The following ASL variants were observed in gnomAD, a reference collection of about 807,000 sequenced individuals.
ASL encodes argininosuccinase.
Under a neutral mutation model 69.1 loss-of-function variants are expected in ASL, and 51 were observed. The ratio of observed to expected loss-of-function variants is 0.74; its 90% CI spans 0.59 to 0.93. ASL has a LOEUF of 0.93. Among genes scored for constraint, ASL ranks in the 40% least tolerant of loss-of-function variants. The probability of loss-of-function intolerance (pLI) is 0.00; values close to 1 mark genes in which losing one functional copy is unlikely to be tolerated. For synonymous variants in ASL, 241 were observed against 247.6 expected (o/e 0.97, Z 0.25); for missense variants, 540 against 623.9 (o/e 0.87, Z 1.43).
In ASL at chr7:66,091,966, G is replaced by C. The variant is rs1434980891; in HGVS notation, c.1063-40G>C. The C allele has an allele frequency of 5.6e-6, 9 of 1,610,128 alleles. No individual in the cohort carries two copies. In the Admixed American group the frequency reaches 1.5e-4, roughly 27 times the overall value. On this transcript the variant is annotated intron_variant, in intron 14 of 16. Transcript: ENST00000304874. ...CTGGGCCTGGCAGCTTCAGATCCCA[G>C]GGTCCCCAGGGCTCACCACTCGCCC...
At position 66,092,956 on chromosome 7, in the gene ASL, G is replaced by A. The variant is rs760898764; in HGVS notation, c.*44G>A. 7 of 1,568,058 alleles carry A rather than the reference G, an allele frequency of 4.5e-6. No individual in the cohort carries two copies. In the South Asian group the frequency reaches 7.9e-5, roughly 18 times the overall value. On this transcript the variant is annotated 3_prime_UTR_variant, in exon 17 of 17. Transcript: ENST00000304874. ...CCTAATAAAGTGGGCGCGAGAGGAGGCTGCTGTGTGTTTCCTGCCCCAGCC... is the reference window on the plus strand; with the variant it reads ...CCTAATAAAGTGGGCGCGAGAGGAGACTGCTGTGTGTTTCCTGCCCCAGCC...
chr7:66,084,267 C>A (rs564737042), intron 6 of ASL, among the ~76,000 whole-genome samples: 1 of 150,918 alleles, frequency 6.6e-6, no homozygotes, highest in South Asian at 2.1e-4. Flanking sequence ...TCAAGTGATT[C>A]TAGTGCCTCA....
At chr7:66,078,995 C>T (rs576900843) in intron 2 of ASL, among the ~76,000 whole-genome samples, 10 of 152,134 alleles carry the variant, frequency 6.6e-5, no homozygotes, top group Admixed American at 2.6e-4. Context: ...CTGCAAGCTC[C>T]GCCTCCCGGG....
At chr7:66,082,303 G>A (rs1329229071) in intron 3 of ASL, 65 bp from the exon 4 acceptor site, 1 of 1,487,432 alleles carries the variant, frequency 6.7e-7, no homozygotes, top group Non-Finnish European at 9.2e-7. Context: ...TGGGACCAAG[G>A]CAGGGGCTCT....
chr7:66,084,531 G>A (rs1336640248), intron 6 of ASL, among the ~76,000 whole-genome samples: 4 of 152,120 alleles, frequency 2.6e-5, no homozygotes, highest in Non-Finnish European at 5.9e-5. Context: ...CTAGGCTGGA[G>A]TGCAATGGCT....
At chr7:66,079,764 C>T (rs181021621) in intron 2 of ASL, among the ~76,000 whole-genome samples, 278 of 152,044 alleles carry the variant, frequency 1.8e-3, no homozygotes, top group Admixed American at 4.2e-3. Flanking sequence ...GAACTACAGG[C>T]GAGTGCCACC....
intron 8 of ASL, 127 bp downstream of exon 8, chr7:66,086,948 C>A: frequency 1.8e-6 from 2 of 1,082,860 alleles, no homozygotes; most frequent in Non-Finnish European, 2.6e-6. Context: ...GGGGACTCTG[C>A]ATGGAGCCCC....
At position 66,092,864 on chromosome 7, in the gene ASL, C is replaced by G. The variant is rs769450817; in HGVS notation, c.1347C>G (p.Asp449Glu). 1 of 1,612,492 alleles carries G rather than the reference C, an allele frequency of 6.2e-7. No individual in the cohort carries two copies. Among genetic ancestry groups the G allele is most frequent in the African/African-American group, 1.3e-5 (1 of 75,060 alleles). The change falls in exon 17 of 17, where the codon GAC (aspartate) becomes GAG (glutamate). Residue 449 changes from aspartate to glutamate, a missense_variant. Transcript: ENST00000304874. Reference sequence around the variant, plus strand: ...GCGGCACTGCGCGCTCCAGCGTCGACTGGCAGATCCGCCAGGTGCGGGCGC... The same window carrying G: ...GCGGCACTGCGCGCTCCAGCGTCGAGTGGCAGATCCGCCAGGTGCGGGCGC... ...ALGGTARSSV[D>E]WQIRQVRALL...
chr7:66,087,142 TG>T (rs961683846), intron 8 of ASL, 191 bp from the exon 9 acceptor site: 1 of 691,740 alleles, frequency 1.4e-6, no homozygotes, highest in Non-Finnish European at 2.5e-6. Flanking sequence ...TGTGGACACT[TG>T]GGGACAAGTA....
At chr7:66,083,535 A>G (rs1786572666) in intron 6 of ASL, among the ~76,000 whole-genome samples, 1 of 151,842 alleles carries the variant, frequency 6.6e-6, no homozygotes, top group Non-Finnish European at 1.5e-5. Context: ...AAATACAAAA[A>G]TTAGGCAATG....
At chr7:66,076,149 G>T in intron 2 of ASL, 56 bp downstream of exon 2, 3 of 1,567,866 alleles carry the variant, frequency 1.9e-6, no homozygotes, top group East Asian at 2.4e-5. Flanking sequence ...GAGAGTGGGG[G>T]CGCCAGACCT....
At position 66,092,862 on chromosome 7, in the gene ASL, G is replaced by T; in HGVS notation, c.1345G>T (p.Asp449Tyr). Reference protein sequence around the residue: ...ALGGTARSSVDWQIRQVRALL... With the variant: ...ALGGTARSSVYWQIRQVRALL... ...GGGCGGCACTGCGCGCTCCAGCGTC[G>T]ACTGGCAGATCCGCCAGGTGCGGGC... Residue 449 changes from aspartate (D) to tyrosine (Y), a missense_variant, in exon 17 of 17, where the codon GAC becomes TAC. Transcript: ENST00000304874. 1 of 1,612,610 alleles carries T rather than the reference G, an allele frequency of 6.2e-7. No homozygotes were observed.
intron 6 of ASL, among the ~76,000 whole-genome samples, chr7:66,085,570 G>A (rs557273200): frequency 1.6e-3 from 242 of 152,154 alleles, no homozygotes; most frequent in Non-Finnish European, 2.3e-3. Flanking sequence ...CCTGAAACCA[G>A]GAGTTTCAGA....
chr7:66,092,414 C>T, intron 15 of ASL, 143 bp from the exon 16 acceptor site: 1 of 800,204 alleles, frequency 1.2e-6, no homozygotes, highest in Non-Finnish European at 2.0e-6. Flanking sequence ...TGAGATCGCG[C>T]CACTGCACTC....
chr7:66,085,560 C>T (rs1334869988), intron 6 of ASL, among the ~76,000 whole-genome samples: 3 of 152,234 alleles, frequency 2.0e-5, no homozygotes, highest in East Asian at 3.9e-4. Context: ...AGGAGGACTG[C>T]CTGAAACCAG....
At chr7:66,077,310 A>G (rs1383759233) in intron 2 of ASL, among the ~76,000 whole-genome samples, 1 of 152,170 alleles carries the variant, frequency 6.6e-6, no homozygotes, top group East Asian at 1.9e-4. Context: ...GTACACCTGT[A>G]GTCTCACAGG....
At chr7:66,081,333 A>G (rs1371789225) in intron 2 of ASL, among the ~76,000 whole-genome samples, 1 of 152,046 alleles carries the variant, frequency 6.6e-6, no homozygotes, top group Non-Finnish European at 1.5e-5. Context: ...TAATCCTAGC[A>G]CTTTCAGAGG....
In ASL at chr7:66,087,248, GT is replaced by G. The variant is rs1786692733; in HGVS notation, c.603-85del. 9 of 691,176 alleles carry G rather than the reference GT, an allele frequency of 1.3e-5. No individual in the cohort carries two copies. In the African/African-American group the frequency reaches 2.0e-4, roughly 15 times the overall value. 42.8% of individuals were successfully genotyped at this position (691,176 alleles called of 1,614,324 possible). A position where few individuals can be genotyped will look rare whatever the true frequency, so the allele number is the denominator to read the frequency against. ...TGGTTCTCTGTGTGTGCGTTCGTGT[GT>G]GTGTGTGTGTGTGTGTGTGTGTGTG... On this transcript the variant is annotated intron_variant, in intron 8 of 16. Coordinates refer to ENST00000304874, the MANE Select transcript of ASL (RefSeq NM_000048.4).
At chr7:66,076,519 G>A (rs1786351250) in intron 2 of ASL, among the ~76,000 whole-genome samples, 1 of 152,196 alleles carries the variant, frequency 6.6e-6, no homozygotes, top group Non-Finnish European at 1.5e-5. Context: ...ATAAAGCTCA[G>A]CCCCTAAGTG....
Sources: gnomAD v4.1 joint callset for allele counts (sites outside exome capture counted in the v4.1 genomes callset) on GRCh38, gnomAD v4.1.1 for gene constraint, MANE v1.5 for transcripts, NCBI Gene and HGNC (gene_info 2026-07-23, HGNC 2026-07-21) for gene names.